The following GALNT17 variants were observed in gnomAD, a reference collection of about 807,000 sequenced individuals.
GALNT17 encodes UDP-GalNAc:polypeptide N-acetylgalactosaminyltransferase-like 3.
Under a neutral mutation model 63.7 loss-of-function variants are expected in GALNT17, and 29 were observed. The observed-to-expected ratio is 0.46, with a 90% CI of 0.34 to 0.62. GALNT17 has a LOEUF of 0.62. Among genes scored for constraint, GALNT17 ranks in the 20% least tolerant of loss-of-function variants. The pLI, the probability that GALNT17 is intolerant of heterozygous loss-of-function variation, is 0.01. For synonymous variants in GALNT17, 305 were observed against 318.3 expected, an observed-to-expected ratio of 0.96 and a Z score of 0.45; for missense variants, 603 against 799.6, an observed-to-expected ratio of 0.75 and a Z score of 2.97.
intron 1 of GALNT17, among the ~76,000 whole-genome samples, chr7:71,217,567 A>G (rs1270923288): frequency 3.3e-5 from 5 of 151,746 alleles, no homozygotes; most frequent in Non-Finnish European, 7.4e-5. Flanking sequence ...TCTTACCTCT[A>G]TAAGTCATGC....
chr7:71,581,626 G>A (rs1789636897), intron 6 of GALNT17, among the ~76,000 whole-genome samples: 1 of 152,140 alleles, frequency 6.6e-6, no homozygotes, highest in Non-Finnish European at 1.5e-5. Context: ...GGAGACAGAG[G>A]CAAATTATAT....
Position 71,149,724 on chromosome 7 carries a change from A to G in GALNT17, c.238+16684A>G, listed in dbSNP as rs1319261883. Among the ~76,000 whole-genome samples, 4 of 152,222 alleles carry G rather than the reference A, an allele frequency of 2.6e-5. No homozygotes were observed. In the East Asian group the frequency reaches 7.7e-4, roughly 29 times the overall value. Reference sequence around the variant, plus strand: ...TTATATTTGCAAGGAAATTAGCACAACAAAACAGGAATGCTGACAAGTGCA... The same window carrying G: ...TTATATTTGCAAGGAAATTAGCACAGCAAAACAGGAATGCTGACAAGTGCA... On this transcript the variant is annotated intron_variant, in intron 1 of 10. Transcript: ENST00000333538.
At chr7:71,244,510 A>G (rs931965424) in intron 1 of GALNT17, among the ~76,000 whole-genome samples, 1 of 152,166 alleles carries the variant, frequency 6.6e-6, no homozygotes, top group Non-Finnish European at 1.5e-5. Flanking sequence ...TGAGCAAGTC[A>G]TCCCACTCCT....
chr7:71,455,975 G>T (rs1204899855), intron 5 of GALNT17, among the ~76,000 whole-genome samples: 1 of 152,182 alleles, frequency 6.6e-6, no homozygotes, highest in African/African-American at 2.4e-5. Context: ...GCCGGGGACG[G>T]TGGCTCACGT....
At chr7:71,347,039 A>T (rs1792108747) in intron 2 of GALNT17, among the ~76,000 whole-genome samples, 1 of 152,174 alleles carries the variant, frequency 6.6e-6, no homozygotes, top group Admixed American at 6.5e-5. Context: ...GTTATTTGCT[A>T]ACGCAGGTCT....
chr7:71,710,250 C>G (rs1791773616), intron 9 of GALNT17, among the ~76,000 whole-genome samples: 1 of 152,146 alleles, frequency 6.6e-6, no homozygotes, highest in South Asian at 2.1e-4. Context: ...TGGCTCATGC[C>G]TGTAATCCCA....
intron 1 of GALNT17, among the ~76,000 whole-genome samples, chr7:71,276,087 C>T (rs1790676304): frequency 6.6e-6 from 1 of 152,206 alleles, no homozygotes; most frequent in Non-Finnish European, 1.5e-5. Context: ...AGAACAGAAG[C>T]ACTCTGAAGG....
chr7:71,582,617 A>G (rs1032935344), intron 6 of GALNT17, among the ~76,000 whole-genome samples: 2 of 152,106 alleles, frequency 1.3e-5, no homozygotes, highest in African/African-American at 2.4e-5. Context: ...ATATATATAC[A>G]ATGGAATACT....
At chr7:71,274,468 C>T (rs1195614285) in intron 1 of GALNT17, among the ~76,000 whole-genome samples, 1 of 152,006 alleles carries the variant, frequency 6.6e-6, no homozygotes, top group Non-Finnish European at 1.5e-5. Flanking sequence ...TTTGTAGAGG[C>T]AGGATCTTGC....
chr7:71,666,488 C>G (rs1037544790), intron 7 of GALNT17, among the ~76,000 whole-genome samples: 1 of 151,634 alleles, frequency 6.6e-6, no homozygotes, highest in Non-Finnish European at 1.5e-5. Flanking sequence ...TTTGTAAGAT[C>G]CTGGTGCAAC....
chr7:71,409,014 ACAAACAC>A (rs1793382405), intron 3 of GALNT17, among the ~76,000 whole-genome samples: 3 of 109,984 alleles, frequency 2.7e-5, no homozygotes, highest in Non-Finnish European at 5.4e-5. Context: ...ATGCACATAC[ACAAACAC>A]ACACACACAC....
intron 3 of GALNT17, among the ~76,000 whole-genome samples, chr7:71,394,362 A>G (rs1485137435): frequency 6.6e-6 from 1 of 152,148 alleles, no homozygotes; most frequent in Non-Finnish European, 1.5e-5. Flanking sequence ...ACCAGGCCCC[A>G]CCTTCAATAT....
chr7:71,549,229 T>C (rs1789035163), intron 5 of GALNT17, among the ~76,000 whole-genome samples: 1 of 152,212 alleles, frequency 6.6e-6, no homozygotes, highest in Non-Finnish European at 1.5e-5. Flanking sequence ...TTTAGACCTA[T>C]ATGGCTTGAA....
At chr7:71,568,158 G>T (rs1039030333) in intron 5 of GALNT17, among the ~76,000 whole-genome samples, 1 of 152,194 alleles carries the variant, frequency 6.6e-6, no homozygotes, top group African/African-American at 2.4e-5. Context: ...GCATTTGCCA[G>T]TTCCTCCATG....
intron 6 of GALNT17, among the ~76,000 whole-genome samples, chr7:71,591,520 A>G (rs953588859): frequency 2.6e-5 from 4 of 152,220 alleles, no homozygotes; most frequent in Non-Finnish European, 4.4e-5. Flanking sequence ...TTACATTTTC[A>G]GAGCTTCCAC....
At chr7:71,426,187 G>A (rs150467957) in intron 5 of GALNT17, among the ~76,000 whole-genome samples, 3 of 152,274 alleles carry the variant, frequency 2.0e-5, no homozygotes, top group Admixed American at 6.5e-5. Context: ...GCCAAACCAC[G>A]TCAGTGGGGC....
At chr7:71,461,427 C>T (rs1023232916) in intron 5 of GALNT17, among the ~76,000 whole-genome samples, 3 of 152,112 alleles carry the variant, frequency 2.0e-5, no homozygotes, top group African/African-American at 7.2e-5. Flanking sequence ...AAACCAAGTA[C>T]CTTTTTAATG....
intron 3 of GALNT17, among the ~76,000 whole-genome samples, chr7:71,400,484 C>G (rs1454630211): frequency 1.3e-5 from 2 of 152,150 alleles, no homozygotes; most frequent in Non-Finnish European, 2.9e-5. Context: ...ATAAATTTTA[C>G]ATTATATAGT....
At chr7:71,666,786 A>G (rs1790991885) in intron 7 of GALNT17, among the ~76,000 whole-genome samples, 1 of 137,290 alleles carries the variant, frequency 7.3e-6, no homozygotes, top group South Asian at 2.6e-4. Context: ...CTGTGTAAAT[A>G]ATTCTTATGC....
Sources: gnomAD v4.1 joint callset for allele counts (sites outside exome capture counted in the v4.1 genomes callset) on GRCh38, gnomAD v4.1.1 for gene constraint, MANE v1.5 for transcripts, NCBI Gene and HGNC (gene_info 2026-07-23, HGNC 2026-07-21) for gene names.